The following SYNPR variants were observed in gnomAD, a reference collection of about 807,000 sequenced individuals.
SYNPR encodes the protein synaptoporin.
In SYNPR, 23 loss-of-function variants were observed where a neutral mutation model predicts 32.9. The ratio of observed to expected loss-of-function variants is 0.70; its 90% confidence interval spans 0.50 to 0.99. The LOEUF is 0.99. SYNPR is among the 50% of genes least tolerant of loss of function. The pLI is 0.00. For synonymous variants in SYNPR, 146 were observed against 135.9 expected, an observed-to-expected ratio of 1.07 and a Z score of -0.52; for missense variants, 318 against 349.3, an observed-to-expected ratio of 0.91 and a Z score of 0.71.
chr3:63,599,905 A>T (rs1700013956), intron 4 of SYNPR, among the ~76,000 whole-genome samples: 1 of 152,240 alleles, frequency 6.6e-6, no homozygotes, highest in African/African-American at 2.4e-5. Context: ...AATTTGCTTT[A>T]AATGAAATAT....
intron 2 of SYNPR, among the ~76,000 whole-genome samples, chr3:63,302,908 T>C (rs1384697712): frequency 6.6e-6 from 1 of 152,008 alleles, no homozygotes; most frequent in East Asian, 1.9e-4. Flanking sequence ...TAGAATAATT[T>C]GAATGTTTCT....
At chr3:63,245,680 TGA>T (rs71992869) in intron 1 of SYNPR, among the ~76,000 whole-genome samples, 2,767 of 123,270 alleles carry the variant, frequency 0.022, 51 homozygotes, top group African/African-American at 0.058. Flanking sequence ...CTTTGTCAAG[TGA>T]GAGAGAGAGA....
intron 2 of SYNPR, among the ~76,000 whole-genome samples, chr3:63,328,989 T>C (rs1305940262): frequency 6.6e-6 from 1 of 152,170 alleles, no homozygotes; most frequent in Non-Finnish European, 1.5e-5. Context: ...AAGTCAAATC[T>C]AGCCTGAGAG....
chr3:63,483,119 A>G (rs1412607311), intron 3 of SYNPR, among the ~76,000 whole-genome samples: 3 of 152,196 alleles, frequency 2.0e-5, no homozygotes, highest in African/African-American at 7.2e-5. Context: ...CTAGATATCT[A>G]CCTTCAAAAA....
the SYNPR span, among the ~76,000 whole-genome samples, chr3:63,207,886 C>T: frequency 6.6e-6 from 1 of 152,166 alleles, no homozygotes. Context: ...CTTCACTGCT[C>T]AGCTCTAGTA....
intron 2 of SYNPR, among the ~76,000 whole-genome samples, chr3:63,406,009 C>T (rs1169918323): frequency 6.6e-6 from 1 of 152,026 alleles, no homozygotes; most frequent in Non-Finnish European, 1.5e-5. Flanking sequence ...TCTTACTGTC[C>T]TGTAGAGAGG....
intron 2 of SYNPR, among the ~76,000 whole-genome samples, chr3:63,373,938 A>C (rs1269064098): frequency 2.0e-5 from 3 of 152,220 alleles, no homozygotes; most frequent in Admixed American, 6.5e-5. Flanking sequence ...AGAATTGATA[A>C]AGAGAGAAAT....
At chr3:63,408,319 G>GGAAAGAAAGAAA (rs1214316826) in intron 2 of SYNPR, among the ~76,000 whole-genome samples, 445 of 16,784 alleles carry the variant, frequency 0.027, 38 homozygotes, top group Middle Eastern at 0.036. Flanking sequence ...AAGGAAGGAA[G>GGAAAGAAAGAAA]GAAAGAAAGA....
chr3:63,272,898 C>A (rs2086547884), intron 3 of SYNPR, among the ~76,000 whole-genome samples: 1 of 152,092 alleles, frequency 6.6e-6, no homozygotes, highest in South Asian at 2.1e-4. Flanking sequence ...CTGGACCAAA[C>A]CTCTGGTGTT....
chr3:63,603,464 G>A (rs1700073554), intron 4 of SYNPR, among the ~76,000 whole-genome samples: 1 of 152,142 alleles, frequency 6.6e-6, no homozygotes, highest in Non-Finnish European at 1.5e-5. Flanking sequence ...TATTCAGTAT[G>A]ATGTTGGCTG....
intron 1 of SYNPR, among the ~76,000 whole-genome samples, chr3:63,249,956 T>C (rs1486470278): frequency 1.3e-5 from 2 of 152,078 alleles, no homozygotes; most frequent in Non-Finnish European, 2.9e-5. Flanking sequence ...AGAAAATATT[T>C]GGAAGCTTGA....
intron 2 of SYNPR, among the ~76,000 whole-genome samples, chr3:63,419,117 A>T (rs150758768): frequency 0.016 from 2,403 of 152,314 alleles, 26 homozygotes; most frequent in Non-Finnish European, 0.025. Context: ...TTTATTTGAG[A>T]CATCATGGGA....
intron 1 of SYNPR, among the ~76,000 whole-genome samples, chr3:63,251,823 T>C (rs1026664458): frequency 2.0e-5 from 3 of 152,006 alleles, no homozygotes; most frequent in Non-Finnish European, 4.4e-5. Flanking sequence ...CTCTGTTCTA[T>C]ATAAACCTCA....
At chr3:63,592,665 T>C (rs1299328591) in intron 4 of SYNPR, among the ~76,000 whole-genome samples, 2 of 152,096 alleles carry the variant, frequency 1.3e-5, no homozygotes, top group East Asian at 1.9e-4. Flanking sequence ...CTACTTTATG[T>C]TCTACTGAGT....
the SYNPR span, among the ~76,000 whole-genome samples, chr3:63,203,967 C>A: frequency 1.4e-4 from 22 of 152,100 alleles, no homozygotes; most frequent in Non-Finnish European, 2.8e-4. Flanking sequence ...CCATGGCATT[C>A]CATCCTGGGG....
At chr3:63,362,839 AG>A (rs1194757684) in intron 2 of SYNPR, among the ~76,000 whole-genome samples, 1 of 152,190 alleles carries the variant, frequency 6.6e-6, no homozygotes, top group East Asian at 1.9e-4. Flanking sequence ...TGTTCCTTTT[AG>A]TACCTTGATT....
intron 2 of SYNPR, among the ~76,000 whole-genome samples, chr3:63,435,609 T>C (rs185626901): frequency 1.3e-5 from 2 of 152,338 alleles, no homozygotes; most frequent in African/African-American, 4.8e-5. Flanking sequence ...CCTCCCATCT[T>C]CATGGTGTGC....
Position 63,486,415 on chromosome 3 carries a change from G to A in SYNPR, c.209+5459G>A, listed in dbSNP as rs556088483. Among the ~76,000 whole-genome samples, 257 of 152,228 alleles carry A rather than the reference G, an allele frequency of 1.7e-3. 1 individual carries two copies. The highest frequency in any genetic ancestry group is 5.8e-3 in the African/African-American group (241 of 41,540). ...TCATGTATTATACCATTTCCCAGAG[G>A]CACCAGCAGGACAGAATCACCCACA... On this transcript the variant is annotated intron_variant, in intron 3 of 5. Coordinates refer to ENST00000478300, the MANE Select transcript of SYNPR (RefSeq NM_001130003.2).
At position 63,421,846 on chromosome 3, in the gene SYNPR, A is replaced by G. The variant is rs138459167; in HGVS notation, c.85-58986A>G. Among the ~76,000 whole-genome samples the G allele has an allele frequency of 1.1e-3, 169 of 152,220 alleles. 2 individuals carry two copies. In the East Asian group the frequency reaches 0.024, roughly 22 times the overall value. On this transcript the variant is annotated intron_variant, in intron 2 of 5. Transcript: ENST00000478300. ...CCTTCTCTGCCACAGGGCCCTCTTC[A>G]CACATGGCAGTTTGGTTCTTCCAGG...
Sources: gnomAD v4.1 joint callset for allele counts (sites outside exome capture counted in the v4.1 genomes callset) on GRCh38, gnomAD v4.1.1 for gene constraint, MANE v1.5 for transcripts, NCBI Gene and HGNC (gene_info 2026-07-23, HGNC 2026-07-21) for gene names.